AKAP6: variants seen among roughly 807,000 people sequenced by gnomAD.
AKAP6 encodes the protein A-kinase anchoring protein 6.
Under a neutral mutation model 188.5 loss-of-function variants are expected in AKAP6, and 58 were observed. The ratio of observed to expected loss-of-function variants is 0.31; its 90% CI spans 0.25 to 0.38. AKAP6 has a LOEUF of 0.38. Ranked by LOEUF, AKAP6 falls within the 10% of genes least tolerant of loss-of-function variation. AKAP6 has a pLI of 1.00. For missense variants in AKAP6, 2,710 were observed against 2,740.0 expected, an observed-to-expected ratio of 0.99 and a Z score of 0.24; for synonymous variants, 989 against 998.6, an observed-to-expected ratio of 0.99 and a Z score of 0.18.
intron 1 of AKAP6, among the ~76,000 whole-genome samples, chr14:32,335,302 T>C (rs1447594802): frequency 6.6e-6 from 1 of 152,154 alleles, no homozygotes. Context: ...GAATTCTTAA[T>C]AATTTTTTAA....
chr14:32,481,438 AAG>A (rs1879336999), intron 2 of AKAP6, among the ~76,000 whole-genome samples: 1 of 152,264 alleles, frequency 6.6e-6, no homozygotes, highest in Admixed American at 6.5e-5. Context: ...TATAAAGAAA[AAG>A]AGGTTTAATG....
chr14:32,814,326 TTG>T (rs1381864763), intron 12 of AKAP6, among the ~76,000 whole-genome samples: 1 of 152,196 alleles, frequency 6.6e-6, no homozygotes, highest in African/African-American at 2.4e-5. Flanking sequence ...ATTCACCATG[TTG>T]TGCAACCACC....
At chr14:32,705,819 C>G (rs900053539) in intron 9 of AKAP6, among the ~76,000 whole-genome samples, 4 of 152,134 alleles carry the variant, frequency 2.6e-5, no homozygotes, top group Non-Finnish European at 4.4e-5. Flanking sequence ...ATTGTCCTCA[C>G]TCTTAGACTT....
At chr14:32,638,413 C>T (rs1423300662) in intron 7 of AKAP6, among the ~76,000 whole-genome samples, 2 of 152,090 alleles carry the variant, frequency 1.3e-5, no homozygotes, top group East Asian at 3.9e-4. Flanking sequence ...TTTTTCTCTT[C>T]TGCTTCCAGT....
At chr14:32,697,191 A>G (rs939132428) in intron 9 of AKAP6, among the ~76,000 whole-genome samples, 1 of 152,074 alleles carries the variant, frequency 6.6e-6, no homozygotes, top group Admixed American at 6.6e-5. Flanking sequence ...ACCTCCTCTA[A>G]AGAGAGATAT....
In AKAP6 at chr14:32,405,521, A is replaced by G. The variant is rs895268035; in HGVS notation, c.-34-27939A>G. Among the ~76,000 whole-genome samples the G allele has an allele frequency of 3.3e-5, 5 of 152,312 alleles. 1 individual carries two copies. In the South Asian group the frequency reaches 1.0e-3, roughly 32 times the overall value. On this transcript the variant is annotated intron_variant, in intron 1 of 13. Transcript: ENST00000280979. ...ATCTCAAATTTTCATTTACCAAACAAAAATATTTCAGATTTCAGTTTGCAG... is the reference window on the plus strand; with the variant it reads ...ATCTCAAATTTTCATTTACCAAACAGAAATATTTCAGATTTCAGTTTGCAG...
Position 32,488,121 on chromosome 14 carries a change from C to T in AKAP6, c.325-47433C>T, listed in dbSNP as rs142195655. On this transcript the variant is annotated intron_variant, in intron 2 of 13. Coordinates refer to ENST00000280979, the MANE Select transcript of AKAP6 (RefSeq NM_004274.5). Reference sequence around the variant, plus strand: ...GGCAAATTTAAGTCTGCTAAAGCTGCGCCCACAGCTACCCCTTCCCCCAGG... The same window carrying T: ...GGCAAATTTAAGTCTGCTAAAGCTGTGCCCACAGCTACCCCTTCCCCCAGG... Among the ~76,000 whole-genome samples, 532 of 152,350 alleles carry T rather than the reference C, an allele frequency of 3.5e-3. 4 individuals are homozygous for T. Among genetic ancestry groups the T allele is most frequent in the African/African-American group, 9.8e-3 (407 of 41,600 alleles).
At chr14:32,420,504 G>C (rs1036709681) in intron 1 of AKAP6, among the ~76,000 whole-genome samples, 6 of 152,070 alleles carry the variant, frequency 3.9e-5, no homozygotes, top group Non-Finnish European at 8.8e-5. Context: ...ATCACAAAGA[G>C]GAATATGATT....
chr14:32,515,973 T>C (rs1051167887), intron 2 of AKAP6, among the ~76,000 whole-genome samples: 4 of 152,320 alleles, frequency 2.6e-5, no homozygotes, highest in Admixed American at 2.0e-4. Flanking sequence ...ATTTTTGCCA[T>C]GTGAGATGGT....
At chr14:32,651,808 T>TTAC (rs1475242139) in intron 7 of AKAP6, among the ~76,000 whole-genome samples, 1 of 152,204 alleles carries the variant, frequency 6.6e-6, no homozygotes, top group Non-Finnish European at 1.5e-5. Context: ...ATAGTGTGGA[T>TTAC]TACTTGTACC....
chr14:32,684,827 A>G (rs1302473145), intron 8 of AKAP6, among the ~76,000 whole-genome samples: 1 of 152,214 alleles, frequency 6.6e-6, no homozygotes, highest in African/African-American at 2.4e-5. Context: ...AAAATCATTA[A>G]CGAAATATTT....
At chr14:32,591,221 A>T in intron 5 of AKAP6, among the ~76,000 whole-genome samples, 1 of 152,206 alleles carries the variant, frequency 6.6e-6, no homozygotes, top group East Asian at 1.9e-4. Flanking sequence ...GGCCTCTGGA[A>T]GTCAAATGGT....
intron 1 of AKAP6, among the ~76,000 whole-genome samples, chr14:32,375,731 A>C (rs894852970): frequency 6.6e-6 from 1 of 152,144 alleles, no homozygotes; most frequent in Non-Finnish European, 1.5e-5. Flanking sequence ...ATAGGTATGC[A>C]AATAAGGAAA....
chr14:32,613,986 A>G (rs974071695), intron 7 of AKAP6, among the ~76,000 whole-genome samples: 5 of 152,202 alleles, frequency 3.3e-5, no homozygotes, highest in African/African-American at 1.2e-4. Context: ...TGCATTTTAG[A>G]GTGAAATCAT....
At chr14:32,686,575 A>G (rs112902055) in intron 8 of AKAP6, among the ~76,000 whole-genome samples, 1 of 152,126 alleles carries the variant, frequency 6.6e-6, no homozygotes. Flanking sequence ...TATACGTACT[A>G]TGTACCCACA....
intron 2 of AKAP6, among the ~76,000 whole-genome samples, chr14:32,464,622 A>C (rs1041143707): frequency 6.6e-6 from 1 of 152,230 alleles, no homozygotes; most frequent in African/African-American, 2.4e-5. Flanking sequence ...ATTTATGACA[A>C]ACCCGTAACC....
intron 2 of AKAP6, chr14:32,434,130 G>T: frequency 3.9e-6 from 1 of 257,794 alleles, no homozygotes. Context: ...TCTTACAAAG[G>T]GTTTAATAAA....
At chr14:32,627,150 A>T (rs1462119106) in intron 7 of AKAP6, among the ~76,000 whole-genome samples, 3 of 152,284 alleles carry the variant, frequency 2.0e-5, no homozygotes, top group Non-Finnish European at 2.9e-5. Flanking sequence ...TTACATCTGA[A>T]TGTACCATCA....
chr14:32,632,847 A>G (rs1887332995), intron 7 of AKAP6, among the ~76,000 whole-genome samples: 1 of 152,160 alleles, frequency 6.6e-6, no homozygotes. Context: ...ATTTGATTTA[A>G]TCATTTGCAT....
Sources: gnomAD v4.1 joint callset for allele counts (sites outside exome capture counted in the v4.1 genomes callset) on GRCh38, gnomAD v4.1.1 for gene constraint, MANE v1.5 for transcripts, NCBI Gene and HGNC (gene_info 2026-07-23, HGNC 2026-07-21) for gene names.